Variants in WDR70 observed in about 807,000 individuals in gnomAD.
The protein encoded by WDR70 is WD repeat-containing protein 70.
Under a neutral mutation model 88.6 loss-of-function variants are expected in WDR70, and 53 were observed. The ratio of observed to expected loss-of-function variants is 0.60; its 90% CI spans 0.48 to 0.75. The LOEUF is 0.75. Ranked by LOEUF, WDR70 falls within the 30% of genes least tolerant of loss-of-function variation. WDR70 has a pLI of 0.00. For synonymous variants in WDR70, 280 were observed against 270.0 expected, an observed-to-expected ratio of 1.04 and a Z score of -0.36; for missense variants, 610 against 823.2, an observed-to-expected ratio of 0.74 and a Z score of 3.17.
intron 13 of WDR70, among the ~76,000 whole-genome samples, chr5:37,717,067 T>G (rs1034107311): frequency 1.3e-5 from 2 of 152,126 alleles, no homozygotes; most frequent in African/African-American, 4.8e-5. Flanking sequence ...TTGTCTCTTA[T>G]TTTTGGGCAA....
chr5:37,637,733 A>G (rs979054515), intron 10 of WDR70, among the ~76,000 whole-genome samples: 7 of 152,352 alleles, frequency 4.6e-5, no homozygotes, highest in Non-Finnish European at 4.4e-5. Flanking sequence ...ATTGTAGAGC[A>G]CATAATTCTT....
chr5:37,507,374 C>T (rs149208128), intron 8 of WDR70, among the ~76,000 whole-genome samples: 4 of 152,158 alleles, frequency 2.6e-5, no homozygotes, highest in African/African-American at 9.6e-5. Flanking sequence ...ATTTCTAGTT[C>T]TCCCTTCTAG....
chr5:37,607,329 A>G (rs949870820), intron 10 of WDR70, among the ~76,000 whole-genome samples: 1 of 152,122 alleles, frequency 6.6e-6, no homozygotes, highest in East Asian at 1.9e-4. Context: ...GAGAATGCCC[A>G]GTAACAATAG....
chr5:37,611,796 T>TTA (rs397997419), intron 10 of WDR70, among the ~76,000 whole-genome samples: 47 of 146,126 alleles, frequency 3.2e-4, no homozygotes, highest in South Asian at 6.4e-4. Context: ...TTTTTTTTTT[T>TTA]AAAAAAAAAC....
intron 8 of WDR70, among the ~76,000 whole-genome samples, chr5:37,488,959 T>G (rs149457604): frequency 4.3e-4 from 65 of 152,342 alleles, no homozygotes; most frequent in African/African-American, 1.5e-3. Context: ...GAATATTTTT[T>G]CCTGTAGATG....
intron 9 of WDR70, among the ~76,000 whole-genome samples, chr5:37,533,961 T>A (rs1741577294): frequency 6.6e-6 from 1 of 152,166 alleles, no homozygotes; most frequent in Non-Finnish European, 1.5e-5. Flanking sequence ...GCAAGCAGAC[T>A]TACAGTTTTT....
chr5:37,619,968 T>C (rs920642265), intron 10 of WDR70: 4 of 139,294 alleles, frequency 2.9e-5, no homozygotes, highest in Non-Finnish European at 1.5e-5. Flanking sequence ...AATAGCAAAA[T>C]GATACAAAAC....
At chr5:37,461,089 T>C (rs1445561456) in intron 7 of WDR70, among the ~76,000 whole-genome samples, 1 of 123,488 alleles carries the variant, frequency 8.1e-6, no homozygotes, top group African/African-American at 3.7e-5. Flanking sequence ...AAATGGCAAA[T>C]AAATATTTCT....
intron 5 of WDR70, among the ~76,000 whole-genome samples, chr5:37,416,668 C>T (rs901511344): frequency 2.6e-5 from 4 of 151,922 alleles, no homozygotes; most frequent in African/African-American, 7.2e-5. Context: ...CAAGCCCCAC[C>T]TCCCAGGCTC....
At chr5:37,383,818 C>T (rs1341714663) in intron 3 of WDR70, among the ~76,000 whole-genome samples, 6 of 148,058 alleles carry the variant, frequency 4.1e-5, no homozygotes, top group Non-Finnish European at 7.5e-5. Flanking sequence ...CTCCTGACCT[C>T]GTGATCCACT....
intron 9 of WDR70, among the ~76,000 whole-genome samples, chr5:37,592,155 A>G (rs1327943958): frequency 6.6e-6 from 1 of 152,194 alleles, no homozygotes. Context: ...ATGTAATGAG[A>G]TGTCTTGAGA....
At chr5:37,633,401 TAGTG>T (rs1198007867) in intron 10 of WDR70, among the ~76,000 whole-genome samples, 5 of 152,094 alleles carry the variant, frequency 3.3e-5, no homozygotes, top group African/African-American at 1.2e-4. Context: ...ATTACCGAGA[TAGTG>T]AGTCAAGATT....
chr5:37,594,022 A>G (rs543561637), intron 9 of WDR70, among the ~76,000 whole-genome samples: 1 of 152,124 alleles, frequency 6.6e-6, no homozygotes, highest in Admixed American at 6.5e-5. Context: ...AAATTTGTTT[A>G]AGTTATTTGT....
chr5:37,493,491 G>C (rs1443507538), intron 8 of WDR70, among the ~76,000 whole-genome samples: 1 of 152,192 alleles, frequency 6.6e-6, no homozygotes, highest in Non-Finnish European at 1.5e-5. Flanking sequence ...CAAGGAACTT[G>C]TATTGTGCCA....
At chr5:37,594,615 T>C (rs1366468920) in intron 9 of WDR70, among the ~76,000 whole-genome samples, 1 of 152,238 alleles carries the variant, frequency 6.6e-6, no homozygotes, top group East Asian at 1.9e-4. Flanking sequence ...TAGGATTGTG[T>C]TGGCAATGCG....
chr5:37,541,163 C>T (rs1741804608), intron 9 of WDR70, among the ~76,000 whole-genome samples: 2 of 152,200 alleles, frequency 1.3e-5, no homozygotes, highest in Non-Finnish European at 2.9e-5. Flanking sequence ...GCAGAATAGT[C>T]CCTTCACTGT....
chr5:37,638,324 G>A (rs1745025050), intron 10 of WDR70, among the ~76,000 whole-genome samples: 1 of 152,124 alleles, frequency 6.6e-6, no homozygotes, highest in South Asian at 2.1e-4. Flanking sequence ...AGTCATTATA[G>A]TACAGTGGTT....
At chr5:37,447,298 GAGA>G (rs778725848) in intron 7 of WDR70, among the ~76,000 whole-genome samples, 13 of 152,176 alleles carry the variant, frequency 8.5e-5, no homozygotes, top group Non-Finnish European at 1.6e-4. Flanking sequence ...ACTAGTGCTG[GAGA>G]GGATGTAGAG....
At chr5:37,500,716 CTTTTTTTTTTTTT>C (rs550821207) in intron 8 of WDR70, among the ~76,000 whole-genome samples, 47 of 63,274 alleles carry the variant, frequency 7.4e-4, no homozygotes, top group Non-Finnish European at 1.0e-3. Context: ...TATTTGTTGG[CTTTTTTTTTTTTT>C]TTTTTTTTTT....
Sources: gnomAD v4.1 joint callset for allele counts (sites outside exome capture counted in the v4.1 genomes callset) on GRCh38, gnomAD v4.1.1 for gene constraint, MANE v1.5 for transcripts, NCBI Gene and HGNC (gene_info 2026-07-23, HGNC 2026-07-21) for gene names.